Variants in EYA2 observed in about 807,000 individuals in gnomAD.
EYA2 encodes the protein EYA transcriptional coactivator and phosphatase 2.
EYA2 carries 31 observed loss-of-function variants against 69.2 expected under a neutral mutation model. The ratio of observed to expected loss-of-function variants is 0.45; its 90% CI spans 0.34 to 0.60. The LOEUF (loss-of-function observed/expected upper bound fraction) is 0.60, where lower values mean the gene tolerates loss of function less well. Among genes scored for constraint, EYA2 ranks in the 20% least tolerant of loss-of-function variants. The pLI is 0.02. For synonymous variants in EYA2, 257 were observed against 279.4 expected (o/e 0.92, Z 0.80); for missense variants, 622 against 701.2 (o/e 0.89, Z 1.28).
At chr20:46,989,466 A>G (rs1430101610) in intron 1 of EYA2, among the ~76,000 whole-genome samples, 1 of 151,978 alleles carries the variant, frequency 6.6e-6, no homozygotes, top group Non-Finnish European at 1.5e-5. Context: ...ACGGCATTTC[A>G]CCATGTTGGC....
At chr20:46,912,980 G>A (rs554902519) in intron 1 of EYA2, among the ~76,000 whole-genome samples, 95 of 152,198 alleles carry the variant, frequency 6.2e-4, no homozygotes, top group East Asian at 5.8e-4. Context: ...GATTACAGGC[G>A]TGAGCCACCG....
At chr20:46,978,597 G>A (rs772247597) in intron 1 of EYA2, 1 of 534,830 alleles carries the variant, frequency 1.9e-6, no homozygotes, top group Non-Finnish European at 3.8e-6. Flanking sequence ...TTTATCTTAA[G>A]AGCAATGGAA....
At chr20:47,004,651 G>T (rs1291423195) in intron 3 of EYA2, among the ~76,000 whole-genome samples, 3 of 152,204 alleles carry the variant, frequency 2.0e-5, no homozygotes, top group African/African-American at 7.2e-5. Context: ...CAGGAGGGTT[G>T]CGGGGGATGT....
intron 10 of EYA2, among the ~76,000 whole-genome samples, chr20:47,150,307 G>A (rs2033797961): frequency 6.6e-6 from 1 of 152,068 alleles, no homozygotes; most frequent in Non-Finnish European, 1.5e-5. Flanking sequence ...CCTTCTCACT[G>A]TCCCCCTGCT....
intron 5 of EYA2, among the ~76,000 whole-genome samples, chr20:47,046,013 T>C (rs1048631364): frequency 7.9e-5 from 12 of 152,184 alleles, no homozygotes; most frequent in African/African-American, 2.9e-4. Flanking sequence ...CAGAATATCA[T>C]AGACTGGGTA....
At chr20:46,910,049 G>A (rs948097994) in intron 1 of EYA2, among the ~76,000 whole-genome samples, 1 of 152,140 alleles carries the variant, frequency 6.6e-6, no homozygotes, top group African/African-American at 2.4e-5. Flanking sequence ...AAGTAAGGAT[G>A]TTCATCTTAA....
At position 47,132,496 on chromosome 20, in the gene EYA2, A is replaced by G. The variant is rs145045860; in HGVS notation, c.889-10563A>G. ...AGGTGTTTTGCAAGACACACCACAC[A>G]CAAATCCTCAGGAGCCCTGGAAAGG... On this transcript the variant is annotated intron_variant, in intron 9 of 15. Transcript: ENST00000327619. 9.8e-5 allele frequency among the ~76,000 whole-genome samples: 15 copies of G among 152,296 alleles called. No individual in the cohort carries two copies. The East Asian group carries it at 2.7e-3, about 27-fold the overall frequency.
intron 5 of EYA2, among the ~76,000 whole-genome samples, chr20:47,026,180 G>C (rs1461002936): frequency 1.3e-5 from 2 of 152,216 alleles, no homozygotes; most frequent in East Asian, 1.9e-4. Flanking sequence ...TCTTGAGTCA[G>C]TGGGAAAATA....
chr20:47,080,125 A>G (rs758749310), intron 7 of EYA2, among the ~76,000 whole-genome samples: 28 of 152,208 alleles, frequency 1.8e-4, no homozygotes, highest in Non-Finnish European at 4.4e-5. Flanking sequence ...AAAAGAATCA[A>G]GGCATACAAA....
At chr20:46,978,316 T>G (rs1487531910) in intron 1 of EYA2, 1 of 306,154 alleles carries the variant, frequency 3.3e-6, no homozygotes, top group Non-Finnish European at 6.5e-6. Flanking sequence ...CTGTAAAAAC[T>G]GTTACAGTGA....
intron 5 of EYA2, among the ~76,000 whole-genome samples, chr20:47,023,056 C>T: frequency 6.6e-6 from 1 of 151,784 alleles, no homozygotes; most frequent in East Asian, 1.9e-4. Context: ...AAAAAAAAGA[C>T]ACATGAATTT....
intron 1 of EYA2, among the ~76,000 whole-genome samples, chr20:46,929,545 T>C (rs1354176470): frequency 6.6e-6 from 1 of 151,978 alleles, no homozygotes; most frequent in East Asian, 1.9e-4. Context: ...GCTCATGCAG[T>C]AGTGAGTGGA....
At position 47,001,531 on chromosome 20, in the gene EYA2, G is replaced by C. The variant is rs531064835; in HGVS notation, c.155+58G>C. On this transcript the variant is annotated intron_variant, in intron 3 of 15. Coordinates refer to ENST00000327619, the MANE Select transcript of EYA2 (RefSeq NM_005244.5). ...GCCCACCTTTTCTTCTTTCTTGGAA[G>C]GTAGAGGTTAAGAGAGAGGGCCCTG... is the stretch of plus-strand genomic sequence containing the variant. 8.3e-6 allele frequency: 13 copies of C among 1,569,936 alleles called. No individual in the cohort carries two copies. The South Asian group carries it at 1.2e-4, about 15-fold the overall frequency.
intron 9 of EYA2, among the ~76,000 whole-genome samples, chr20:47,113,678 C>A (rs1244369546): frequency 6.6e-6 from 1 of 152,182 alleles, no homozygotes; most frequent in Non-Finnish European, 1.5e-5. Flanking sequence ...TCACCCACTG[C>A]AAAGGTCATT....
intron 4 of EYA2, 54 bp from the exon 5 acceptor site, chr20:47,016,127 A>T: frequency 7.8e-7 from 1 of 1,288,762 alleles, no homozygotes. Context: ...GGTGACAAGG[A>T]CGCATCCTAA....
At chr20:47,061,149 C>T (rs1242483400) in intron 5 of EYA2, among the ~76,000 whole-genome samples, 1 of 152,144 alleles carries the variant, frequency 6.6e-6, no homozygotes, top group Non-Finnish European at 1.5e-5. Context: ...CCACCGCACC[C>T]AGCCCAACTT....
intron 1 of EYA2, among the ~76,000 whole-genome samples, chr20:46,931,759 T>A (rs1277773099): frequency 6.6e-6 from 1 of 152,078 alleles, no homozygotes. Flanking sequence ...TCATGTCGGA[T>A]TTTCGCTGAC....
chr20:47,067,379 G>A (rs1177055982), intron 5 of EYA2, among the ~76,000 whole-genome samples: 1 of 152,098 alleles, frequency 6.6e-6, no homozygotes, highest in African/African-American at 2.4e-5. Context: ...ATTGAGGATA[G>A]AGTGGGATTT....
chr20:46,976,041 T>C (rs554971911), intron 1 of EYA2, among the ~76,000 whole-genome samples: 1 of 152,164 alleles, frequency 6.6e-6, no homozygotes, highest in South Asian at 2.1e-4. Context: ...CTGAATAGGC[T>C]GCTGGGGAGG....
Sources: allele counts gnomAD v4.1 joint callset (sites outside exome capture counted in the v4.1 genomes callset), GRCh38; gene constraint gnomAD v4.1.1; transcripts MANE v1.5; gene names NCBI Gene and HGNC (gene_info 2026-07-23, HGNC 2026-07-21).